Variants in LIMS1 observed in about 807,000 individuals in gnomAD.
The protein encoded by LIMS1 is LIM and senescent cell antigen-like-containing domain protein 1.
Under a neutral mutation model 44.1 loss-of-function variants are expected in LIMS1, and 18 were observed. That is an observed-to-expected ratio of 0.41 (90% CI 0.28 to 0.61). The LOEUF is 0.61. Among genes scored for constraint, LIMS1 ranks in the 20% least tolerant of loss-of-function variants. The probability of loss-of-function intolerance (pLI) is 0.32; values close to 1 mark genes in which losing one functional copy is unlikely to be tolerated. For missense variants in LIMS1, 201 were observed against 422.0 expected (o/e 0.48, Z 4.59); for synonymous variants, 93 against 149.1 (o/e 0.62, Z 2.74).
intron 1 of LIMS1, among the ~76,000 whole-genome samples, chr2:108,571,546 G>A (rs537255965): frequency 8.5e-5 from 13 of 152,228 alleles, no homozygotes; most frequent in Non-Finnish European, 1.9e-4. Flanking sequence ...ACGGAATCCT[G>A]TTACTCATCT....
intron 1 of LIMS1, among the ~76,000 whole-genome samples, chr2:108,652,918 TA>T (rs777609054): frequency 3.4e-5 from 5 of 148,710 alleles, no homozygotes; most frequent in South Asian, 2.1e-4. Context: ...ATGGTCATTG[TA>T]AAAAAAAAAC....
chr2:108,587,304 G>A (rs952727189), intron 1 of LIMS1, among the ~76,000 whole-genome samples: 1 of 131,718 alleles, frequency 7.6e-6, no homozygotes, highest in Admixed American at 7.0e-5. Context: ...GTGTGTGTGT[G>A]TGTGTGTGTG....
chr2:108,561,752 T>TG (rs1423019051), intron 1 of LIMS1, among the ~76,000 whole-genome samples: 4 of 151,028 alleles, frequency 2.6e-5, no homozygotes, highest in East Asian at 1.9e-4. Flanking sequence ...TTTTGTTTTT[T>TG]TTTTTTTTGA....
chr2:108,545,318 C>G (rs996968703), intron 1 of LIMS1, among the ~76,000 whole-genome samples: 1 of 152,180 alleles, frequency 6.6e-6, no homozygotes, highest in Non-Finnish European at 1.5e-5. Flanking sequence ...ACTGCAACCT[C>G]CGCCTCCCGG....
At chr2:108,609,687 A>C (rs1228686749) in intron 1 of LIMS1, among the ~76,000 whole-genome samples, 1 of 152,080 alleles carries the variant, frequency 6.6e-6, no homozygotes, top group Non-Finnish European at 1.5e-5. Context: ...CAGATCTCTC[A>C]TTAGAGGAAG....
At chr2:108,609,367 C>T (rs1687460257) in intron 1 of LIMS1, among the ~76,000 whole-genome samples, 1 of 152,116 alleles carries the variant, frequency 6.6e-6, no homozygotes, top group Non-Finnish European at 1.5e-5. Flanking sequence ...TGCACCCCTC[C>T]CCACCCGGAA....
At position 108,624,145 on chromosome 2, in the gene LIMS1, G is replaced by A. The variant is rs181425680; in HGVS notation, c.33-35460G>A. 5.3e-5 allele frequency among the ~76,000 whole-genome samples: 8 copies of A among 152,344 alleles called. No individual in the cohort carries two copies. The East Asian group carries it at 1.2e-3, about 22-fold the overall frequency. ...TGACACAAGTGACATGCTTGTTCCA[G>A]TGGGTCGGAAGCCCCAGACCTTCAC... On this transcript the variant is annotated intron_variant, in intron 1 of 9. Coordinates refer to ENST00000544547, the Ensembl canonical transcript of LIMS1.
chr2:108,538,137 T>TC (rs1263365788), intron 1 of LIMS1, among the ~76,000 whole-genome samples: 8 of 152,230 alleles, frequency 5.3e-5, no homozygotes, highest in Non-Finnish European at 1.2e-4. Flanking sequence ...TGCTGGACTG[T>TC]TGCCACATTG....
At chr2:108,681,756 CAA>C (rs1267520800) in intron 9 of LIMS1, 59 of 170,244 alleles carry the variant, frequency 3.5e-4, no homozygotes, top group Non-Finnish European at 5.9e-4. Flanking sequence ...CCCCATCCGT[CAA>C]AAAAAAAAAA....
chr2:108,645,523 G>A (rs960736887), intron 1 of LIMS1, among the ~76,000 whole-genome samples: 13 of 152,094 alleles, frequency 8.5e-5, no homozygotes, highest in Non-Finnish European at 1.2e-4. Flanking sequence ...CAACCGGTAC[G>A]AGCCACTGCA....
At chr2:108,686,568 C>T (rs560417812) in exon 10 of LIMS1, 1 of 151,250 alleles carries the variant, frequency 6.6e-6, no homozygotes, top group African/African-American at 2.4e-5. Flanking sequence ...TCAGGAGATC[C>T]AGACTATCCT....
intron 1 of LIMS1, among the ~76,000 whole-genome samples, chr2:108,600,617 T>A (rs1166705614): frequency 6.6e-6 from 1 of 152,232 alleles, no homozygotes; most frequent in Non-Finnish European, 1.5e-5. Context: ...CACCATTTGT[T>A]GAAGAGACTG....
At chr2:108,602,058 G>A (rs1002783239) in intron 1 of LIMS1, among the ~76,000 whole-genome samples, 1 of 151,986 alleles carries the variant, frequency 6.6e-6, no homozygotes, top group Non-Finnish European at 1.5e-5. Context: ...TATTTTATTT[G>A]TGTCTATTGT....
At chr2:108,636,786 G>A (rs748293796) in intron 1 of LIMS1, among the ~76,000 whole-genome samples, 11 of 152,116 alleles carry the variant, frequency 7.2e-5, no homozygotes, top group Admixed American at 2.6e-4. Context: ...GCTTCATTCC[G>A]TGACAGAGAA....
chr2:108,550,390 T>C (rs1489858402), intron 1 of LIMS1, among the ~76,000 whole-genome samples: 1 of 151,176 alleles, frequency 6.6e-6, no homozygotes, highest in Non-Finnish European at 1.5e-5. Context: ...TCCCAGCTAC[T>C]GAGGAGGCTG....
intron 1 of LIMS1, among the ~76,000 whole-genome samples, chr2:108,597,691 T>G (rs1319714715): frequency 8.2e-6 from 1 of 122,450 alleles, no homozygotes; most frequent in Non-Finnish European, 1.7e-5. Flanking sequence ...CAAGCAAAAA[T>G]GCTTTTTTTT....
chr2:108,598,454 C>G (rs1045129067), intron 1 of LIMS1, among the ~76,000 whole-genome samples: 1 of 152,148 alleles, frequency 6.6e-6, no homozygotes, highest in Non-Finnish European at 1.5e-5. Context: ...GGAAGGAAAG[C>G]TGAAGGTAGG....
At chr2:108,573,521 A>G (rs747026183) in intron 1 of LIMS1, among the ~76,000 whole-genome samples, 1 of 152,192 alleles carries the variant, frequency 6.6e-6, no homozygotes, top group Non-Finnish European at 1.5e-5. Context: ...CTGCAAAGTA[A>G]GTGGTATTAG....
At chr2:108,673,674 C>G (rs966148789) in intron 5 of LIMS1, 2 of 153,248 alleles carry the variant, frequency 1.3e-5, no homozygotes, top group African/African-American at 2.4e-5. Context: ...TAGGCATGAG[C>G]CACTGCACCT....
Sources: gnomAD v4.1 joint callset for allele counts (sites outside exome capture counted in the v4.1 genomes callset) on GRCh38, gnomAD v4.1.1 for gene constraint, MANE v1.5 for transcripts, NCBI Gene and HGNC (gene_info 2026-07-23, HGNC 2026-07-21) for gene names.